Variants in DAAM1 observed in about 807,000 individuals in gnomAD.
DAAM1 encodes dishevelled associated activator of morphogenesis 1.
A neutral mutation model predicts 130.0 loss-of-function variants in DAAM1; 52 were observed. The observed-to-expected ratio is 0.40, with a 90% confidence interval of 0.32 to 0.50. The LOEUF (loss-of-function observed/expected upper bound fraction) is 0.50, where lower values mean the gene tolerates loss of function less well. DAAM1 is among the 20% of genes least tolerant of loss of function. DAAM1 has a pLI of 0.61. For synonymous variants in DAAM1, 452 were observed against 444.5 expected, an observed-to-expected ratio of 1.02 and a Z score of -0.21; for missense variants, 1,134 against 1,303.8, an observed-to-expected ratio of 0.87 and a Z score of 2.01.
At position 59,331,322 on chromosome 14, in the gene DAAM1, A is replaced by G. The variant is rs755974218; in HGVS notation, c.1674A>G (p.Pro558=). 10 of 1,537,946 alleles carry G rather than the reference A, an allele frequency of 6.5e-6. No individual in the cohort carries two copies. The highest frequency in any genetic ancestry group is 4.8e-5 in the East Asian group (2 of 41,952). ...LLPPPPPPPL[P]GGMLPPPPPP... ...CTCCCCCACCACCCCCACCTCTACCAGGTGGGATGCTTCCCCCTCCACCGC... is the reference window on the plus strand; with the variant it reads ...CTCCCCCACCACCCCCACCTCTACCGGGTGGGATGCTTCCCCCTCCACCGC... The change falls in exon 14 of 25, where the codon CCA becomes CCG. Residue 558 remains proline (P), a synonymous_variant. Coordinates refer to ENST00000360909, the MANE Select transcript of DAAM1 (RefSeq NM_001270520.2).
intron 1 of DAAM1, among the ~76,000 whole-genome samples, chr14:59,252,336 T>C (rs893284961): frequency 1.3e-5 from 2 of 152,174 alleles, no homozygotes; most frequent in African/African-American, 2.4e-5. Flanking sequence ...GGGAATCATA[T>C]CAGTATTACA....
At chr14:59,219,492 G>T (rs1888702007) in intron 1 of DAAM1, among the ~76,000 whole-genome samples, 1 of 152,062 alleles carries the variant, frequency 6.6e-6, no homozygotes, top group Non-Finnish European at 1.5e-5. Flanking sequence ...TCAAGAGATG[G>T]CTTATACATT....
intron 4 of DAAM1, among the ~76,000 whole-genome samples, chr14:59,315,749 C>A (rs1260658308): frequency 1.3e-5 from 2 of 152,110 alleles, no homozygotes; most frequent in African/African-American, 4.8e-5. Flanking sequence ...TATATCCCTC[C>A]CATTCTCTTT....
intron 2 of DAAM1, among the ~76,000 whole-genome samples, chr14:59,290,906 G>A (rs1485635376): frequency 6.6e-6 from 1 of 152,160 alleles, no homozygotes; most frequent in Non-Finnish European, 1.5e-5. Context: ...GCTGCTCAAT[G>A]GACCATACTC....
chr14:59,268,722 C>T (rs1882573616), intron 2 of DAAM1, among the ~76,000 whole-genome samples: 1 of 152,132 alleles, frequency 6.6e-6, no homozygotes, highest in Admixed American at 6.5e-5. Context: ...ATATTTTATA[C>T]CTTTCGAGAA....
chr14:59,215,797 T>G (rs1349732498), intron 1 of DAAM1, among the ~76,000 whole-genome samples: 1 of 152,292 alleles, frequency 6.6e-6, no homozygotes, highest in South Asian at 2.1e-4. Flanking sequence ...TTACATAAAT[T>G]GATAACTCCA....
intron 3 of DAAM1, among the ~76,000 whole-genome samples, chr14:59,310,967 A>C (rs1180952807): frequency 9.8e-6 from 1 of 102,490 alleles, no homozygotes; most frequent in Non-Finnish European, 2.3e-5. Flanking sequence ...AACTGAAAAA[A>C]AACAAAAAAA....
intron 1 of DAAM1, among the ~76,000 whole-genome samples, chr14:59,230,285 G>T (rs1002304626): frequency 2.0e-5 from 3 of 150,102 alleles, no homozygotes; most frequent in African/African-American, 4.9e-5. Flanking sequence ...CTGCAGCCGA[G>T]GGGGGTGATG....
intron 16 of DAAM1, among the ~76,000 whole-genome samples, chr14:59,344,576 T>A (rs554377186): frequency 1.3e-5 from 2 of 152,236 alleles, no homozygotes; most frequent in East Asian, 3.9e-4. Flanking sequence ...CCCTTTCCCT[T>A]AAGGTAGGGT....
In DAAM1 at chr14:59,331,219, G is replaced by T. The variant is rs780077521; in HGVS notation, c.1571G>T (p.Cys524Phe). Residue 524 changes from cysteine to phenylalanine, a missense_variant, in exon 14 of 25, where the codon TGT (cysteine) becomes TTT (phenylalanine). By Grantham distance (205) the Cys-to-Phe change is radical (BLOSUM62 -2). Transcript: ENST00000360909. ...QLHELSRRAV[C>F]ASIPGGPSPG... ...TTTTTATCTTTTCAGAGGGCCGTCTGTGCTTCAATCCCAGGTGGACCCTCG... is the reference window on the plus strand; with the variant it reads ...TTTTTATCTTTTCAGAGGGCCGTCTTTGCTTCAATCCCAGGTGGACCCTCG... 1.6e-5 allele frequency: 25 copies of T among 1,612,698 alleles called. No homozygotes were observed. Among genetic ancestry groups the T allele is most frequent in the Non-Finnish European group, 1.7e-6 (2 of 1,179,948 alleles).
At chr14:59,235,079 A>G (rs1317326840) in intron 1 of DAAM1, among the ~76,000 whole-genome samples, 1 of 152,102 alleles carries the variant, frequency 6.6e-6, no homozygotes, top group Non-Finnish European at 1.5e-5. Flanking sequence ...CTCGATGTTC[A>G]TCAGGGATAT....
chr14:59,251,034 C>T lies in DAAM1; in HGVS notation c.-37-12407C>T, dbSNP rs183242737. On this transcript the variant is annotated intron_variant, in intron 1 of 24. Transcript: ENST00000360909. The stretch of plus-strand genomic sequence containing the variant: ...TCACCTATGGGGCTTGGAAAAATAC[C>T]CATGCCTGGGCCCCAACACCAGAGA... Among the ~76,000 whole-genome samples the T allele has an allele frequency of 2.2e-3, 335 of 152,284 alleles. 1 individual carries two copies. The highest frequency in any genetic ancestry group is 7.6e-3 in the African/African-American group (314 of 41,548).
At chr14:59,356,094 T>G (rs560556030) in intron 20 of DAAM1, among the ~76,000 whole-genome samples, 32 of 152,322 alleles carry the variant, frequency 2.1e-4, no homozygotes, top group African/African-American at 6.5e-4. Context: ...AACTTGAGTT[T>G]CCTTGAGAGC....
Position 59,369,570 on chromosome 14 carries a change from G to A in DAAM1, c.*711G>A, listed in dbSNP as rs1025766386. ...TTTCATCAAGTTATCTCTGCCAAGT[G>A]CTCTTGATAATTTCTTCAGATTTTT... On this transcript the variant is annotated 3_prime_UTR_variant, in exon 25 of 25. Transcript: ENST00000360909. 4 of 152,190 alleles carry A rather than the reference G, an allele frequency of 2.6e-5. No homozygotes were observed. Among genetic ancestry groups the A allele is most frequent in the African/African-American group, 9.7e-5 (4 of 41,304 alleles). The allele number at this position is 152,190 out of a possible 1,614,324, so 9.4% of individuals were successfully genotyped here. A position where few individuals can be genotyped will look rare whatever the true frequency, so the allele number is the denominator to read the frequency against.
chr14:59,291,847 G>A (rs1883753465), intron 3 of DAAM1, among the ~76,000 whole-genome samples: 1 of 152,150 alleles, frequency 6.6e-6, no homozygotes. Context: ...GTATCCCACT[G>A]CTGGTTGCAT....
At chr14:59,227,359 C>T (rs999138227) in intron 1 of DAAM1, among the ~76,000 whole-genome samples, 1 of 152,156 alleles carries the variant, frequency 6.6e-6, no homozygotes, top group Non-Finnish European at 1.5e-5. Context: ...TTCCCCATTA[C>T]AGACTGACTA....
Position 59,368,856 on chromosome 14 carries a change from C to CTAAT in DAAM1, c.3206_*2dup, listed in dbSNP as rs1241967246. 21 of 1,612,756 alleles carry CTAAT rather than the reference C, an allele frequency of 1.3e-5. 1 individual carries two copies. The Admixed American group carries it at 2.5e-4, about 19-fold the overall frequency. Reference sequence around the variant, plus strand: ...AGAGACCAATCACAAAACTTAATTTCTAATTTTCCATGAATACTTTTTTTT... The same window carrying CTAAT: ...AGAGACCAATCACAAAACTTAATTTCTAATTAATTTTCCATGAATACTTTTTTTT... On this transcript the variant is annotated frameshift_variant and stop_retained_variant, in exon 25 of 25. Transcript: ENST00000360909. LOFTEE classifies it high-confidence loss of function.
intron 1 of DAAM1, among the ~76,000 whole-genome samples, chr14:59,197,575 G>T (rs1887938630): frequency 6.6e-6 from 1 of 152,208 alleles, no homozygotes; most frequent in South Asian, 2.1e-4. Flanking sequence ...TCTGTGAGTA[G>T]GTAACACTTC....
At chr14:59,233,003 G>A (rs1296296985) in intron 1 of DAAM1, among the ~76,000 whole-genome samples, 2 of 152,192 alleles carry the variant, frequency 1.3e-5, no homozygotes, top group Admixed American at 6.5e-5. Flanking sequence ...ATTCCATGGT[G>A]TGTATGTACC....
Sources: gnomAD v4.1 joint callset for allele counts (sites outside exome capture counted in the v4.1 genomes callset) on GRCh38, gnomAD v4.1.1 for gene constraint, MANE v1.5 for transcripts, NCBI Gene and HGNC (gene_info 2026-07-23, HGNC 2026-07-21) for gene names.